Variants in HTR3B observed in about 807,000 individuals in gnomAD.
HTR3B encodes the protein 5-hydroxytryptamine (serotonin) receptor 3B, ionotropic.
A neutral mutation model predicts 42.8 loss-of-function variants in HTR3B; 44 were observed. That is an observed-to-expected ratio of 1.03 (90% CI 0.81 to 1.32). HTR3B has a LOEUF of 1.32. Among genes scored for constraint, HTR3B ranks in the 40% most tolerant of loss-of-function variants. The pLI is 0.00. For synonymous variants in HTR3B, 203 were observed against 209.0 expected, an observed-to-expected ratio of 0.97 and a Z score of 0.25; for missense variants, 527 against 536.5, an observed-to-expected ratio of 0.98 and a Z score of 0.17.
intron 1 of HTR3B, among the ~76,000 whole-genome samples, chr11:113,905,494 A>C (rs1041635991): frequency 6.6e-6 from 1 of 152,226 alleles, no homozygotes; most frequent in Admixed American, 6.5e-5. Context: ...AAATCTATAT[A>C]GGTGATGAGT....
intron 6 of HTR3B, among the ~76,000 whole-genome samples, chr11:113,941,880 C>T (rs1950137774): frequency 6.6e-6 from 1 of 152,150 alleles, no homozygotes; most frequent in South Asian, 2.1e-4. Flanking sequence ...ACAGATCACC[C>T]AGTCCCCGAA....
intron 6 of HTR3B, among the ~76,000 whole-genome samples, chr11:113,933,604 C>T (rs17116145): frequency 0.053 from 8,051 of 152,116 alleles, 275 homozygotes; most frequent in African/African-American, 0.081. Context: ...CCACTGGTAG[C>T]TTCTGGATCA....
In HTR3B at chr11:113,937,136, G is replaced by C. The variant is rs1950097933; in HGVS notation, c.696+4043G>C. ...CCAGCTCCTTTAGTCCATTAGAAAT[G>C]ATGAGCTGTAGGTAGGGGCAGTTTT... is the stretch of plus-strand genomic sequence containing the variant. On this transcript the variant is annotated intron_variant, in intron 6 of 8. Transcript: ENST00000260191. Among the ~76,000 whole-genome samples the C allele has an allele frequency of 2.0e-5, 3 of 152,344 alleles. No individual in the cohort carries two copies. The South Asian group carries it at 6.2e-4, about 32-fold the overall frequency.
chr11:113,916,554 C>G (rs1484910845), intron 2 of HTR3B, among the ~76,000 whole-genome samples: 1 of 152,108 alleles, frequency 6.6e-6, no homozygotes, highest in Non-Finnish European at 1.5e-5. Context: ...TCCATATAAA[C>G]TTTAGAATTG....
chr11:113,916,905 C>T (rs1257282519), intron 2 of HTR3B, among the ~76,000 whole-genome samples: 4 of 151,930 alleles, frequency 2.6e-5, no homozygotes, highest in African/African-American at 4.8e-5. Context: ...ATTTCTTTTT[C>T]GCTTAAGAGG....
At chr11:113,901,642 C>T (rs955179640), upstream of HTR3B, among the ~76,000 whole-genome samples, 2 of 152,034 alleles carry the variant, frequency 1.3e-5, no homozygotes, top group Non-Finnish European at 2.9e-5. Flanking sequence ...AATTCATCAG[C>T]CAATAAAGAG....
intron 2 of HTR3B, among the ~76,000 whole-genome samples, chr11:113,922,573 C>T (rs1204610791): frequency 6.7e-6 from 1 of 150,034 alleles, no homozygotes; most frequent in Non-Finnish European, 1.5e-5. Flanking sequence ...TTTTTCTGAG[C>T]GAGACGCAGT....
At chr11:113,926,808 C>T (rs893037969) in intron 2 of HTR3B, among the ~76,000 whole-genome samples, 10 of 152,242 alleles carry the variant, frequency 6.6e-5, no homozygotes, top group African/African-American at 1.4e-4. Context: ...GGATTACAGG[C>T]GTGAGCAACC....
chr11:113,941,083 G>T (rs948677556), intron 6 of HTR3B, among the ~76,000 whole-genome samples: 3 of 152,144 alleles, frequency 2.0e-5, no homozygotes, highest in African/African-American at 7.2e-5. Context: ...TTGCAGCGAG[G>T]ATTAAATAAA....
At chr11:113,908,999 C>T in intron 1 of HTR3B, 1 of 517,300 alleles carries the variant, frequency 1.9e-6, no homozygotes, top group South Asian at 3.3e-5. Flanking sequence ...AGAAATTATT[C>T]TGTCTCCAAA....
At chr11:113,903,428 C>CTTTT (rs57289369), upstream of HTR3B, among the ~76,000 whole-genome samples, 27 of 121,042 alleles carry the variant, frequency 2.2e-4, no homozygotes, top group Non-Finnish European at 2.8e-4. Context: ...CTTTTCTTTT[C>CTTTT]TTTTTTTTTT....
intron 2 of HTR3B, among the ~76,000 whole-genome samples, chr11:113,912,915 A>T (rs1038665851): frequency 6.6e-6 from 1 of 150,522 alleles, no homozygotes; most frequent in Non-Finnish European, 1.5e-5. Context: ...TATTGTTATT[A>T]TAGATTTATA....
chr11:113,933,067 G>T lies in HTR3B; in HGVS notation c.670G>T (p.Gly224Ter), dbSNP rs759331217. The T allele has an allele frequency of 6.2e-7, 1 of 1,613,938 alleles. No homozygotes were observed. Among genetic ancestry groups the T allele is most frequent in the Non-Finnish European group, 8.5e-7 (1 of 1,179,974 alleles). ...ATACAGCATCCTGCAGAGCAGCGCTGGAGGATTTGCACAGATTCAGTTTAA... is the reference window on the plus strand; with the variant it reads ...ATACAGCATCCTGCAGAGCAGCGCTTGAGGATTTGCACAGATTCAGTTTAA... ...STYSILQSSAGGFAQIQFNVV... is the reference protein window; with the variant it reads ...STYSILQSSA Residue 224 changes from glycine (G) to a stop codon, truncating the protein, a stop_gained, in exon 6 of 9, where the codon GGA becomes TGA. Coordinates refer to ENST00000260191, the MANE Select transcript of HTR3B (RefSeq NM_006028.5). LOFTEE classifies it high-confidence loss of function.
At chr11:113,940,127 TC>T (rs903013666) in intron 6 of HTR3B, among the ~76,000 whole-genome samples, 11 of 152,148 alleles carry the variant, frequency 7.2e-5, no homozygotes, top group African/African-American at 2.7e-4. Flanking sequence ...CCTCAAGTGA[TC>T]CACCCGCGTT....
Position 113,933,015 on chromosome 11 carries a change from G to C in HTR3B, c.618G>C (p.Glu206Asp). ...HDKKAFLNDSEWELLSVSSTY... is the reference protein window; with the variant it reads ...HDKKAFLNDSDWELLSVSSTY... ...AAAAGGCGTTTTTGAATGACAGTGA[G>C]TGGGAACTTCTATCTGTGTCCTCCA... is the stretch of plus-strand genomic sequence containing the variant. The change falls in exon 6 of 9, where the codon GAG (glutamate) becomes GAC (aspartate). Residue 206 changes from glutamate (E) to aspartate (D), a missense_variant. By Grantham distance (45) the Glu-to-Asp change is conservative. Coordinates refer to ENST00000260191, the MANE Select transcript of HTR3B (RefSeq NM_006028.5). 1 of 1,614,186 alleles carries C rather than the reference G, an allele frequency of 6.2e-7. No individual in the cohort carries two copies. The highest frequency in any genetic ancestry group is 8.5e-7 in the Non-Finnish European group (1 of 1,180,022).
intron 2 of HTR3B, among the ~76,000 whole-genome samples, chr11:113,913,150 G>T (rs547443747): frequency 6.6e-6 from 1 of 150,596 alleles, no homozygotes; most frequent in African/African-American, 2.4e-5. Context: ...GCTGACATTT[G>T]TTAGTTTGTT....
At chr11:113,941,787 C>G (rs554294232) in intron 6 of HTR3B, among the ~76,000 whole-genome samples, 17 of 152,270 alleles carry the variant, frequency 1.1e-4, no homozygotes, top group Non-Finnish European at 1.8e-4. Context: ...AACCACAGGT[C>G]CTATCTGGCA....
intron 6 of HTR3B, among the ~76,000 whole-genome samples, chr11:113,935,899 T>G (rs1241032316): frequency 1.3e-5 from 2 of 152,308 alleles, no homozygotes; most frequent in Non-Finnish European, 2.9e-5. Flanking sequence ...ACTGCTGCCA[T>G]TTATACTAAA....
chr11:113,903,973 A>G (rs1012461852), upstream of HTR3B, among the ~76,000 whole-genome samples: 2 of 152,088 alleles, frequency 1.3e-5, no homozygotes, highest in Non-Finnish European at 2.9e-5. Flanking sequence ...TCAAATATAT[A>G]CTTTCCCCCC....
Sources: gnomAD v4.1 joint callset for allele counts (sites outside exome capture counted in the v4.1 genomes callset) on GRCh38, gnomAD v4.1.1 for gene constraint, MANE v1.5 for transcripts, NCBI Gene and HGNC (gene_info 2026-07-23, HGNC 2026-07-21) for gene names.